The following GABBR2 variants were observed in gnomAD, a reference collection of about 807,000 sequenced individuals.
The protein encoded by GABBR2 is G-protein coupled receptor 51.
GABBR2 carries 23 observed loss-of-function variants against 105.6 expected under a neutral mutation model. The ratio of observed to expected loss-of-function variants is 0.22; its 90% CI spans 0.16 to 0.31. The LOEUF is 0.31. GABBR2 is among the 10% of genes least tolerant of loss of function. The probability of loss-of-function intolerance (pLI) is 1.00; values close to 1 mark genes in which losing one functional copy is unlikely to be tolerated. For missense variants in GABBR2, 734 were observed against 1,245.5 expected (o/e 0.59, Z 6.18); for synonymous variants, 478 against 499.7 (o/e 0.96, Z 0.58).
chr9:98,400,579 A>T (rs927149799), intron 8 of GABBR2, among the ~76,000 whole-genome samples: 1 of 152,184 alleles, frequency 6.6e-6, no homozygotes, highest in African/African-American at 2.4e-5. Context: ...ATATAAGGAC[A>T]TGTATTATTT....
chr9:98,695,897 A>G (rs1351809254), intron 1 of GABBR2, among the ~76,000 whole-genome samples: 2 of 152,158 alleles, frequency 1.3e-5, no homozygotes, highest in Non-Finnish European at 2.9e-5. Context: ...ATAAACATCA[A>G]GATTGGCCTC....
intron 1 of GABBR2, among the ~76,000 whole-genome samples, chr9:98,633,360 C>T (rs376417507): frequency 7.8e-4 from 119 of 152,308 alleles, no homozygotes; most frequent in Middle Eastern, 6.8e-3. Context: ...CAGTGGCTTA[C>T]GCCCGTAATC....
intron 3 of GABBR2, among the ~76,000 whole-genome samples, chr9:98,500,814 C>T (rs1365733501): frequency 6.6e-6 from 1 of 152,118 alleles, no homozygotes; most frequent in Non-Finnish European, 1.5e-5. Flanking sequence ...AACAGTGGCC[C>T]CTGCACCAGT....
At chr9:98,682,731 G>A (rs181573450) in intron 1 of GABBR2, among the ~76,000 whole-genome samples, 1 of 152,044 alleles carries the variant, frequency 6.6e-6, no homozygotes, top group Admixed American at 6.6e-5. Flanking sequence ...GCAAGAAAGA[G>A]CTACTCATAT....
At chr9:98,674,872 G>C (rs979433573) in intron 1 of GABBR2, among the ~76,000 whole-genome samples, 2 of 152,132 alleles carry the variant, frequency 1.3e-5, no homozygotes, top group South Asian at 4.2e-4. Flanking sequence ...TTGTGGAGGG[G>C]ACAGTGTGGA....
chr9:98,372,133 C>T (rs1470962940), intron 11 of GABBR2, among the ~76,000 whole-genome samples: 1 of 152,244 alleles, frequency 6.6e-6, no homozygotes, highest in Non-Finnish European at 1.5e-5. Context: ...GCCCTGACGC[C>T]TAGCCCTGGG....
At chr9:98,404,631 C>T (rs1832457318) in intron 8 of GABBR2, among the ~76,000 whole-genome samples, 1 of 152,094 alleles carries the variant, frequency 6.6e-6, no homozygotes, top group South Asian at 2.1e-4. Flanking sequence ...AATCACCCCG[C>T]TAATGGCTGT....
intron 1 of GABBR2, among the ~76,000 whole-genome samples, chr9:98,581,498 AGAGGGAGG>A (rs1202586616): frequency 1.1e-4 from 13 of 120,188 alleles, no homozygotes; most frequent in African/African-American, 4.0e-4. Context: ...AGGAAGGAAG[AGAGGGAGG>A]GAGGGAGGGA....
At chr9:98,329,187 T>G (rs1249086040) in intron 13 of GABBR2, among the ~76,000 whole-genome samples, 1 of 152,230 alleles carries the variant, frequency 6.6e-6, no homozygotes, top group Non-Finnish European at 1.5e-5. Flanking sequence ...AGCTGGTGTC[T>G]CCTCAGGTCA....
intron 6 of GABBR2, among the ~76,000 whole-genome samples, chr9:98,461,406 G>GTA (rs1163222032): frequency 1.3e-5 from 2 of 152,310 alleles, no homozygotes; most frequent in East Asian, 3.9e-4. Flanking sequence ...AGAAGCTTGT[G>GTA]TATATATCCA....
chr9:98,367,314 AAT>A (rs1554695805), intron 12 of GABBR2, among the ~76,000 whole-genome samples: 2 of 151,428 alleles, frequency 1.3e-5, no homozygotes, highest in Non-Finnish European at 1.5e-5. Flanking sequence ...AAAAAAAAAA[AAT>A]AAGGGGGCCA....
intron 11 of GABBR2, among the ~76,000 whole-genome samples, chr9:98,378,995 G>A (rs1002372868): frequency 6.6e-6 from 1 of 152,186 alleles, no homozygotes; most frequent in African/African-American, 2.4e-5. Flanking sequence ...GGCAGCCCTG[G>A]GCCAAACTGG....
intron 8 of GABBR2, among the ~76,000 whole-genome samples, chr9:98,396,716 A>G (rs991969119): frequency 1.3e-5 from 2 of 152,146 alleles, no homozygotes; most frequent in Non-Finnish European, 2.9e-5. Context: ...TGAGGCAGGG[A>G]GGCAGCGCAT....
intron 1 of GABBR2, among the ~76,000 whole-genome samples, chr9:98,676,528 G>A (rs1039956126): frequency 1.3e-5 from 2 of 152,350 alleles, no homozygotes; most frequent in African/African-American, 2.4e-5. Flanking sequence ...TTGAAAAGAA[G>A]TGACATGTAC....
At chr9:98,701,958 T>C (rs1168562275) in intron 1 of GABBR2, among the ~76,000 whole-genome samples, 2 of 152,172 alleles carry the variant, frequency 1.3e-5, no homozygotes, top group Non-Finnish European at 2.9e-5. Context: ...CAGCGATATT[T>C]CCTGAGCACT....
intron 1 of GABBR2, among the ~76,000 whole-genome samples, chr9:98,707,887 G>C (rs1830920184): frequency 6.6e-6 from 1 of 152,252 alleles, no homozygotes. Flanking sequence ...CGCGCACCAG[G>C]CGCCCAGCCA....
At chr9:98,591,933 A>T (rs1316875446) in intron 1 of GABBR2, among the ~76,000 whole-genome samples, 1 of 152,254 alleles carries the variant, frequency 6.6e-6, no homozygotes, top group Non-Finnish European at 1.5e-5. Flanking sequence ...AAAGCAAAGC[A>T]GGCTATACTT....
intron 1 of GABBR2, among the ~76,000 whole-genome samples, chr9:98,613,763 C>T (rs1370023157): frequency 2.6e-5 from 4 of 152,152 alleles, no homozygotes; most frequent in African/African-American, 4.8e-5. Context: ...ATATTAAGAG[C>T]GTTGACCATC....
At chr9:98,400,660 A>G (rs927494491) in intron 8 of GABBR2, among the ~76,000 whole-genome samples, 1 of 152,128 alleles carries the variant, frequency 6.6e-6, no homozygotes, top group Admixed American at 6.5e-5. Flanking sequence ...TGATGGATGC[A>G]CCCCACCATG....
Sources: allele counts gnomAD v4.1 joint callset (sites outside exome capture counted in the v4.1 genomes callset), GRCh38; gene constraint gnomAD v4.1.1; transcripts MANE v1.5; gene names NCBI Gene and HGNC (gene_info 2026-07-23, HGNC 2026-07-21).